The following GUCY1A1 variants were observed in gnomAD, a reference collection of about 807,000 sequenced individuals.
GUCY1A1 encodes the protein guanylate cyclase 1 soluble subunit alpha 1.
Under a neutral mutation model 64.5 loss-of-function variants are expected in GUCY1A1, and 48 were observed. The ratio of observed to expected loss-of-function variants is 0.74; its 90% CI spans 0.59 to 0.95. GUCY1A1 has a LOEUF of 0.95. Among genes scored for constraint, GUCY1A1 ranks in the 40% least tolerant of loss-of-function variants. GUCY1A1 has a pLI of 0.00. For synonymous variants in GUCY1A1, 308 were observed against 303.4 expected (o/e 1.02, Z -0.16); for missense variants, 804 against 825.3 (o/e 0.97, Z 0.32).
At chr4:155,729,906 TTC>T in intron 9 of GUCY1A1, 122 bp from the exon 10 acceptor site, 1 of 616,330 alleles carries the variant, frequency 1.6e-6, no homozygotes, top group Non-Finnish European at 2.9e-6. Flanking sequence ...GTTAGACTTT[TTC>T]TGTCACTCAC....
At chr4:155,674,913 A>G (rs1020348523) in intron 2 of GUCY1A1, among the ~76,000 whole-genome samples, 1 of 151,620 alleles carries the variant, frequency 6.6e-6, no homozygotes, top group African/African-American at 2.4e-5. Flanking sequence ...AATTGTATGT[A>G]CTATGCTTTT....
chr4:155,676,588 T>G (rs1414478413), intron 2 of GUCY1A1, among the ~76,000 whole-genome samples: 1 of 151,544 alleles, frequency 6.6e-6, no homozygotes, highest in Non-Finnish European at 1.5e-5. Context: ...AATTGGCCAG[T>G]GATTGTAAGT....
chr4:155,734,323 T>A lies in GUCY1A1; in HGVS notation c.*4092T>A, dbSNP rs1473384039. 1.3e-5 allele frequency: 2 copies of A among 151,958 alleles called. No individual in the cohort carries two copies. Among genetic ancestry groups the A allele is most frequent in the African/African-American group, 4.8e-5 (2 of 41,420 alleles). 9.4% of individuals were successfully genotyped at this position (151,958 alleles called of 1,614,324 possible). On this transcript the variant is annotated 3_prime_UTR_variant, in exon 10 of 10. Transcript: ENST00000506455. ...TGAAGTCTAGTGCTGTATAATGCTTTAAATCCACAATCAAGCCCTTGTTGA... is the reference window on the plus strand; with the variant it reads ...TGAAGTCTAGTGCTGTATAATGCTTAAAATCCACAATCAAGCCCTTGTTGA...
chr4:155,679,889 C>A (rs1195156307), intron 2 of GUCY1A1, among the ~76,000 whole-genome samples: 3 of 152,152 alleles, frequency 2.0e-5, no homozygotes, highest in Non-Finnish European at 4.4e-5. Flanking sequence ...GTTGTAAACA[C>A]AATTGTGGAT....
intron 3 of GUCY1A1, among the ~76,000 whole-genome samples, chr4:155,697,496 T>C (rs1009462909): frequency 6.6e-6 from 1 of 152,184 alleles, no homozygotes; most frequent in Non-Finnish European, 1.5e-5. Flanking sequence ...TGCCATAACA[T>C]AAGTGATCAG....
At chr4:155,727,140 G>A (rs1000052426) in intron 9 of GUCY1A1, among the ~76,000 whole-genome samples, 7 of 151,978 alleles carry the variant, frequency 4.6e-5, no homozygotes, top group Admixed American at 6.6e-5. Flanking sequence ...GCGGAAAAAT[G>A]GTGTCTGGTG....
intron 4 of GUCY1A1, 137 bp from the exon 5 acceptor site, chr4:155,708,099 A>C: frequency 2.0e-6 from 1 of 491,190 alleles, no homozygotes; most frequent in Middle Eastern, 5.9e-4. Context: ...GGCCTCCCAA[A>C]GTGCTGGGAT....
chr4:155,707,211 A>G (rs948443448), intron 4 of GUCY1A1, among the ~76,000 whole-genome samples: 5 of 152,218 alleles, frequency 3.3e-5, no homozygotes, highest in Non-Finnish European at 7.3e-5. Context: ...TGAGGTTGCT[A>G]GCCAGGGAAG....
chr4:155,672,154 T>A (rs1477245672), intron 2 of GUCY1A1, among the ~76,000 whole-genome samples: 1 of 152,128 alleles, frequency 6.6e-6, no homozygotes, highest in Non-Finnish European at 1.5e-5. Context: ...CTTACTGCAA[T>A]TAAATTTAAT....
chr4:155,692,266 T>C (rs546889437), intron 2 of GUCY1A1, among the ~76,000 whole-genome samples: 1 of 152,308 alleles, frequency 6.6e-6, no homozygotes, highest in South Asian at 2.1e-4. Flanking sequence ...CGTGTGCATG[T>C]GTCTTTATAA....
At chr4:155,725,223 A>G (rs1734497753) in intron 9 of GUCY1A1, among the ~76,000 whole-genome samples, 1 of 152,072 alleles carries the variant, frequency 6.6e-6, no homozygotes, top group African/African-American at 2.4e-5. Context: ...CTCCTAGATC[A>G]GCGCGTGAAA....
chr4:155,732,559 G>A lies in GUCY1A1; in HGVS notation c.*2328G>A, dbSNP rs114873763. On this transcript the variant is annotated 3_prime_UTR_variant, in exon 10 of 10. Transcript: ENST00000506455. ...TCTGCTTTGAAGCATAGCGATTAGC[G>A]AGAAACTTTTCAGATCCAGACCACT... Among the ~76,000 whole-genome samples the A allele has an allele frequency of 4.3e-3, 654 of 151,912 alleles. 5 individuals carry two copies. Among genetic ancestry groups the A allele is most frequent in the African/African-American group, 0.015 (628 of 41,496 alleles).
chr4:155,702,082 T>G lies in GUCY1A1; in HGVS notation c.256-1850T>G, dbSNP rs188130723. 7.9e-3 allele frequency among the ~76,000 whole-genome samples: 1,199 copies of G among 152,258 alleles called. 13 individuals are homozygous for G. The highest frequency in any genetic ancestry group is 0.027 in the South Asian group (129 of 4,824). Reference sequence around the variant, plus strand: ...CATCTCCTATGGATAGGTACCATTGTAGGTTTTGGATGGAGGGGTAAGCAA... The same window carrying G: ...CATCTCCTATGGATAGGTACCATTGGAGGTTTTGGATGGAGGGGTAAGCAA... On this transcript the variant is annotated intron_variant, in intron 3 of 9. Transcript: ENST00000506455.
At chr4:155,680,922 TACACACACACAC>T (rs10591570) in intron 2 of GUCY1A1, among the ~76,000 whole-genome samples, 1 of 148,314 alleles carries the variant, frequency 6.7e-6, no homozygotes, top group South Asian at 2.2e-4. Context: ...GTCGATTGGA[TACACACACACAC>T]ACACACACAC....
intron 9 of GUCY1A1, among the ~76,000 whole-genome samples, chr4:155,723,420 T>C (rs939132601): frequency 1.3e-5 from 2 of 152,146 alleles, no homozygotes; most frequent in Non-Finnish European, 2.9e-5. Context: ...CATTTTGTTA[T>C]CACTTATCCA....
chr4:155,677,751 C>T (rs1022945610), intron 2 of GUCY1A1, among the ~76,000 whole-genome samples: 1 of 152,014 alleles, frequency 6.6e-6, no homozygotes, highest in Non-Finnish European at 1.5e-5. Flanking sequence ...ACTTTGGAAA[C>T]TGAGGCAGGA....
intron 8 of GUCY1A1, among the ~76,000 whole-genome samples, chr4:155,718,336 T>A (rs1313906016): frequency 6.6e-6 from 1 of 152,224 alleles, no homozygotes; most frequent in African/African-American, 2.4e-5. Flanking sequence ...AGAAGCCATA[T>A]GTTTAAGCCT....
chr4:155,696,903 A>G lies in GUCY1A1; in HGVS notation c.36A>G (p.Thr12=), dbSNP rs2126740367. 2 of 1,613,576 alleles carry G rather than the reference A, an allele frequency of 1.2e-6. No homozygotes were observed. The highest frequency in any genetic ancestry group is 1.7e-6 in the Non-Finnish European group (2 of 1,179,526). Residue 12 remains threonine, a synonymous_variant, in exon 3 of 10, where the codon ACA becomes ACG. Coordinates refer to ENST00000506455, the MANE Select transcript of GUCY1A1 (RefSeq NM_001130682.3). ...FCTKLKDLKI[T]GECPFSLLAP... is the part of the protein sequence containing the mutation. ...CGAAGCTCAAGGATCTCAAGATCAC[A>G]GGAGAGTGTCCTTTCTCCTTACTGG... is the stretch of plus-strand genomic sequence containing the variant.
intron 9 of GUCY1A1, among the ~76,000 whole-genome samples, chr4:155,724,482 T>C (rs1387914350): frequency 6.6e-6 from 1 of 152,110 alleles, no homozygotes; most frequent in Non-Finnish European, 1.5e-5. Context: ...ACTCAAACGG[T>C]TCTTATCAAG....
Sources: gnomAD v4.1 joint callset for allele counts (sites outside exome capture counted in the v4.1 genomes callset) on GRCh38, gnomAD v4.1.1 for gene constraint, MANE v1.5 for transcripts, NCBI Gene and HGNC (gene_info 2026-07-23, HGNC 2026-07-21) for gene names.